Variants in ZNF7 observed in about 807,000 individuals in gnomAD.
The protein encoded by ZNF7 is zinc finger protein 7, also known as C2-H2 type zinc finger protein.
ZNF7 carries 10 observed loss-of-function variants against 12.0 expected under a neutral mutation model. That is an observed-to-expected ratio of 0.83 (90% CI 0.51 to 1.42). The LOEUF is 1.42. Ranked by LOEUF, ZNF7 falls within the 40% of genes most tolerant of loss-of-function variation. The pLI, the probability that ZNF7 is intolerant of heterozygous loss-of-function variation, is 0.00. For synonymous variants in ZNF7, 334 were observed against 295.0 expected (o/e 1.13, Z -1.35); for missense variants, 854 against 837.2 (o/e 1.02, Z -0.25).
At chr8:144,829,315 C>T in intron 2 of ZNF7, 163 bp from the exon 3 acceptor site, 1 of 1,538,188 alleles carries the variant, frequency 6.5e-7, no homozygotes, top group South Asian at 1.2e-5. Context: ...GGGTTCCTTC[C>T]TCCTCCCCGA....
downstream of ZNF7, chr8:144,846,164 A>G: frequency 6.5e-7 from 1 of 1,536,160 alleles, no homozygotes; most frequent in Non-Finnish European, 8.7e-7. Flanking sequence ...AACGTCAGCC[A>G]TATGGATGGT....
intron 3 of ZNF7, chr8:144,836,568 C>T (rs1829020131): frequency 6.6e-6 from 1 of 152,368 alleles, no homozygotes; most frequent in African/African-American, 2.4e-5. Context: ...AAGGCTGTTT[C>T]TTTGTTCCAC....
At chr8:144,828,810 C>T (rs1028835314) in intron 1 of ZNF7, 4 of 576,450 alleles carry the variant, frequency 6.9e-6, no homozygotes, top group East Asian at 2.9e-5. Flanking sequence ...CCACTTCTTA[C>T]GGCTTTGTGG....
intron 4 of ZNF7, 59 bp from the exon 5 acceptor site, chr8:144,841,296 G>C: frequency 6.6e-7 from 1 of 1,517,156 alleles, no homozygotes. Flanking sequence ...CGCATTTGTA[G>C]TCTTATCATT....
At chr8:144,841,303 C>A in intron 4 of ZNF7, 52 bp from the exon 5 acceptor site, 1 of 1,529,256 alleles carries the variant, frequency 6.5e-7, no homozygotes, top group Non-Finnish European at 8.8e-7. Context: ...GTAGTCTTAT[C>A]ATTTCTCTGA....
downstream of ZNF7, chr8:144,846,363 A>C (rs1830511217): frequency 5.0e-6 from 3 of 603,150 alleles, no homozygotes; most frequent in Admixed American, 3.0e-5. Context: ...GGTTGGGGAG[A>C]AAATAAGAGA....
chr8:144,845,387 G>GT (rs1194749785), downstream of ZNF7, among the ~76,000 whole-genome samples: 1,423 of 149,076 alleles, frequency 9.5e-3, 11 homozygotes, highest in African/African-American at 0.033. Context: ...TCACCCCTCA[G>GT]TTTTTTTTTT....
chr8:144,844,789 C>A (rs1410120612), downstream of ZNF7, among the ~76,000 whole-genome samples: 1 of 148,770 alleles, frequency 6.7e-6, no homozygotes, highest in African/African-American at 2.5e-5. Context: ...GGAGAAGAAC[C>A]TGAGAAGGGG....
chr8:144,843,111 C>T lies in ZNF7; in HGVS notation c.2004C>T (p.Gly668=), dbSNP rs1193297908. 1 of 1,611,234 alleles carries T rather than the reference C, an allele frequency of 6.2e-7. No homozygotes were observed. The highest frequency in any genetic ancestry group is 1.3e-5 in the African/African-American group (1 of 74,694). The part of the protein sequence containing the change: ...GEKPYKCNDC[G]KAFNRSSRLT... Reference sequence around the variant, plus strand: ...AGCCTTATAAATGCAATGACTGTGGCAAAGCTTTTAATCGTAGCTCAAGGC... The same window carrying T: ...AGCCTTATAAATGCAATGACTGTGGTAAAGCTTTTAATCGTAGCTCAAGGC... The change falls in exon 5 of 5, where the codon GGC becomes GGT. Residue 668 remains glycine, a synonymous_variant. Coordinates refer to ENST00000532777, the MANE Select transcript of ZNF7 (RefSeq NM_003416.4).
chr8:144,837,942 G>A (rs1261145269), intron 4 of ZNF7: 1 of 639,582 alleles, frequency 1.6e-6, no homozygotes, highest in Non-Finnish European at 2.9e-6. Flanking sequence ...TTACTTTCCT[G>A]TGGCTGCCAT....
chr8:144,844,708 TCAAAAAAAAAAAAAAA>T (rs1286133559), downstream of ZNF7, among the ~76,000 whole-genome samples: 7 of 43,128 alleles, frequency 1.6e-4, no homozygotes, highest in South Asian at 6.9e-4. Context: ...TGACTCTGTA[TCAAAAAAAAAAAAAAA>T]AAAAAAAAAA....
At chr8:144,829,395 G>T in intron 2 of ZNF7, 83 bp from the exon 3 acceptor site, 2 of 1,593,458 alleles carry the variant, frequency 1.3e-6, no homozygotes, top group Non-Finnish European at 1.7e-6. Flanking sequence ...CCATGGGGCA[G>T]CTGCCTGAGA....
At position 144,843,298 on chromosome 8, in the gene ZNF7, T is replaced by C. The variant is rs1254273462; in HGVS notation, c.*130T>C. ...AGGTTCAGAATTGCTCTCAAGAATA[T>C]CCAACTTCAGGCCGAGTGTGGTGGC... On this transcript the variant is annotated 3_prime_UTR_variant, in exon 5 of 5. Transcript: ENST00000532777. 6 of 1,211,144 alleles carry C rather than the reference T, an allele frequency of 5.0e-6. No homozygotes were observed. The highest frequency in any genetic ancestry group is 5.6e-6 in the Non-Finnish European group (5 of 888,720). 75.0% of individuals were successfully genotyped at this position (1,211,144 alleles called of 1,614,324 possible).
downstream of ZNF7, chr8:144,846,873 G>T (rs1386881572): frequency 2.0e-5 from 3 of 152,074 alleles, no homozygotes; most frequent in Non-Finnish European, 4.4e-5. Flanking sequence ...TAATTTTTTT[G>T]TATTTTTAAT....
At chr8:144,830,007 T>G (rs923545390) in intron 3 of ZNF7, 1 of 161,566 alleles carries the variant, frequency 6.2e-6, no homozygotes, top group Non-Finnish European at 1.4e-5. Flanking sequence ...GCCCCTCCTG[T>G]CCTGCCGTTA....
intron 4 of ZNF7, among the ~76,000 whole-genome samples, chr8:144,839,306 C>G (rs545479808): frequency 2.0e-4 from 30 of 152,244 alleles, no homozygotes; most frequent in African/African-American, 6.0e-4. Flanking sequence ...GCCTTGCAGC[C>G]GCCCAGGAAG....
At chr8:144,844,367 T>G (rs1262421537), downstream of ZNF7, among the ~76,000 whole-genome samples, 1 of 152,030 alleles carries the variant, frequency 6.6e-6, no homozygotes, top group Non-Finnish European at 1.5e-5. Flanking sequence ...GCCCCACTTT[T>G]TTTTGGTAGG....
intron 3 of ZNF7, chr8:144,834,740 TC>T (rs898534699): frequency 6.7e-6 from 1 of 148,752 alleles, no homozygotes; most frequent in Non-Finnish European, 1.5e-5. Context: ...TATATATATT[TC>T]CTTTTTTTTT....
chr8:144,830,984 G>C lies in ZNF7; in HGVS notation c.130+1380G>C, dbSNP rs1273495367. 9 of 456,226 alleles carry C rather than the reference G, an allele frequency of 2.0e-5. No homozygotes were observed. The East Asian group carries it at 6.2e-4, about 32-fold the overall frequency. 28.3% of individuals were successfully genotyped at this position (456,226 alleles called of 1,614,324 possible). ...TTATCTGTGTCCATGCTTTCCACGT[G>C]ATGGCAACCTGTGGGCCTGGCCATC... On this transcript the variant is annotated intron_variant, in intron 3 of 4. Coordinates refer to ENST00000532777, the MANE Select transcript of ZNF7 (RefSeq NM_003416.4).
Sources: gnomAD v4.1 joint callset for allele counts (sites outside exome capture counted in the v4.1 genomes callset) on GRCh38, gnomAD v4.1.1 for gene constraint, MANE v1.5 for transcripts, NCBI Gene and HGNC (gene_info 2026-07-23, HGNC 2026-07-21) for gene names.